Variants in LRRC4C observed in about 807,000 individuals in gnomAD.
The protein encoded by LRRC4C is leucine-rich repeat-containing protein 4C.
Under a neutral mutation model 33.6 loss-of-function variants are expected in LRRC4C, and 5 were observed. The observed-to-expected ratio is 0.15, with a 90% CI of 0.08 to 0.31. LRRC4C has a LOEUF of 0.31. Among genes scored for constraint, LRRC4C ranks in the 10% least tolerant of loss-of-function variants. The pLI, the probability that LRRC4C is intolerant of heterozygous loss-of-function variation, is 1.00. For missense variants in LRRC4C, 560 were observed against 796.7 expected (o/e 0.70, Z 3.58); for synonymous variants, 329 against 302.0 (o/e 1.09, Z -0.93).
chr11:41,054,530 G>A (rs1858476902), intron 1 of LRRC4C, among the ~76,000 whole-genome samples: 1 of 152,138 alleles, frequency 6.6e-6, no homozygotes, highest in South Asian at 2.1e-4. Context: ...TTACCCATCT[G>A]ACAAGATGCA....
intron 1 of LRRC4C, among the ~76,000 whole-genome samples, chr11:41,389,778 G>C (rs767541634): frequency 3.3e-5 from 5 of 151,746 alleles, no homozygotes; most frequent in Non-Finnish European, 7.4e-5. Context: ...CATAACCAAG[G>C]CTCCGCTAAT....
intron 4 of LRRC4C, among the ~76,000 whole-genome samples, chr11:40,248,727 C>T (rs1051208598): frequency 1.6e-4 from 25 of 152,036 alleles, no homozygotes; most frequent in South Asian, 1.0e-3. Context: ...GTAGCACCTC[C>T]ACTTCAATTG....
At chr11:41,169,270 G>A (rs980004943) in intron 1 of LRRC4C, among the ~76,000 whole-genome samples, 3 of 152,086 alleles carry the variant, frequency 2.0e-5, no homozygotes, top group African/African-American at 7.2e-5. Context: ...TAAAAAGAAA[G>A]TCACAAATTA....
At chr11:40,509,031 T>A (rs1228364764) in intron 3 of LRRC4C, among the ~76,000 whole-genome samples, 1 of 152,200 alleles carries the variant, frequency 6.6e-6, no homozygotes, top group South Asian at 2.1e-4. Flanking sequence ...TGTTGACATG[T>A]CTTAAAATAA....
chr11:41,122,817 A>T (rs1281702876), intron 1 of LRRC4C: 1 of 152,050 alleles, frequency 6.6e-6, no homozygotes, highest in South Asian at 2.1e-4. Flanking sequence ...TTAATGAAAC[A>T]TCTCATGAAA....
chr11:41,405,224 C>G (rs979515722), intron 1 of LRRC4C, among the ~76,000 whole-genome samples: 2 of 152,042 alleles, frequency 1.3e-5, no homozygotes, highest in Non-Finnish European at 2.9e-5. Context: ...TATCACTGCT[C>G]TTGTAAGTCT....
intron 6 of LRRC4C, among the ~76,000 whole-genome samples, chr11:40,121,576 C>T (rs538780822): frequency 2.6e-5 from 4 of 152,274 alleles, no homozygotes; most frequent in Middle Eastern, 3.4e-3. Context: ...TTTACATATG[C>T]ATTTGTGTGA....
intron 1 of LRRC4C, among the ~76,000 whole-genome samples, chr11:41,455,462 C>T (rs551736538): frequency 9.2e-5 from 14 of 152,150 alleles, no homozygotes; most frequent in East Asian, 1.9e-4. Context: ...TACATACACA[C>T]GACACATACA....
chr11:40,753,968 ATATATATATTCACTG>A (rs1048524071), intron 2 of LRRC4C, among the ~76,000 whole-genome samples: 12 of 151,808 alleles, frequency 7.9e-5, no homozygotes, highest in Middle Eastern at 3.2e-3. Context: ...TGTACACAAT[ATATATATATTCACTG>A]TATATATATT....
At chr11:40,305,816 A>T (rs72893128) in intron 4 of LRRC4C, among the ~76,000 whole-genome samples, 1 of 152,276 alleles carries the variant, frequency 6.6e-6, no homozygotes, top group Non-Finnish European at 1.5e-5. Flanking sequence ...CTACAGAATT[A>T]CAAAGATTAA....
chr11:40,389,365 C>T (rs957454002), intron 3 of LRRC4C, among the ~76,000 whole-genome samples: 2 of 152,004 alleles, frequency 1.3e-5, no homozygotes, highest in East Asian at 1.9e-4. Context: ...GCTTCAGGTA[C>T]ACGGCGTGGG....
intron 3 of LRRC4C, among the ~76,000 whole-genome samples, chr11:40,400,551 G>A (rs1488365834): frequency 6.6e-6 from 1 of 151,958 alleles, no homozygotes; most frequent in African/African-American, 2.4e-5. Context: ...GTACTACCTG[G>A]AAAAAAAGTT....
intron 3 of LRRC4C, among the ~76,000 whole-genome samples, chr11:40,338,733 TACTC>T (rs1476617513): frequency 6.6e-6 from 1 of 152,212 alleles, no homozygotes; most frequent in Non-Finnish European, 1.5e-5. Context: ...TACCTAAACT[TACTC>T]CAACGTTTCT....
intron 2 of LRRC4C, among the ~76,000 whole-genome samples, chr11:40,911,185 T>C (rs977096979): frequency 1.3e-5 from 2 of 152,146 alleles, no homozygotes; most frequent in East Asian, 1.9e-4. Context: ...GTCTGACAGC[T>C]TGGAAGAGAG....
intron 5 of LRRC4C, among the ~76,000 whole-genome samples, chr11:40,198,800 G>A (rs1384344823): frequency 6.6e-6 from 1 of 152,142 alleles, no homozygotes; most frequent in African/African-American, 2.4e-5. Context: ...GGACTTAAAG[G>A]GGATTTCAGA....
At chr11:40,688,896 G>T (rs1565637436) in intron 2 of LRRC4C, among the ~76,000 whole-genome samples, 2 of 152,040 alleles carry the variant, frequency 1.3e-5, no homozygotes, top group Non-Finnish European at 2.9e-5. Flanking sequence ...CAGGGCTGGG[G>T]CATGCTAGAG....
At chr11:40,799,501 T>C (rs552402637) in intron 2 of LRRC4C, among the ~76,000 whole-genome samples, 2 of 152,218 alleles carry the variant, frequency 1.3e-5, no homozygotes, top group Non-Finnish European at 2.9e-5. Flanking sequence ...TTTATTTATT[T>C]ATTATTTTTT....
intron 3 of LRRC4C, among the ~76,000 whole-genome samples, chr11:40,633,373 C>CTTTCTTTCTTTCTTTCTT (rs759611504): frequency 8.3e-5 from 3 of 36,088 alleles, no homozygotes; most frequent in African/African-American, 2.9e-4. Flanking sequence ...TTCTTTCTTT[C>CTTTCTTTCTTTCTTTCTT]TCTCTCTTTC....
intron 3 of LRRC4C, among the ~76,000 whole-genome samples, chr11:40,451,805 G>T (rs921298464): frequency 5.9e-5 from 9 of 152,152 alleles, no homozygotes; most frequent in Non-Finnish European, 1.2e-4. Context: ...AAATGGAGGG[G>T]AGTAGAGTCA....
Sources: gnomAD v4.1 joint callset for allele counts (sites outside exome capture counted in the v4.1 genomes callset) on GRCh38, gnomAD v4.1.1 for gene constraint, MANE v1.5 for transcripts, NCBI Gene and HGNC (gene_info 2026-07-23, HGNC 2026-07-21) for gene names.